RAD51B: variants seen among roughly 807,000 people sequenced by gnomAD.
RAD51B encodes DNA repair protein RAD51 homolog 2.
In RAD51B, 38 loss-of-function variants were observed where a neutral mutation model predicts 42.2. The ratio of observed to expected loss-of-function variants is 0.90; its 90% CI spans 0.70 to 1.18. The LOEUF (loss-of-function observed/expected upper bound fraction) is 1.18, where lower values mean the gene tolerates loss of function less well. Ranked by LOEUF, RAD51B falls within the 50% of genes most tolerant of loss-of-function variation. RAD51B has a pLI of 0.00. For synonymous variants in RAD51B, 154 were observed against 145.2 expected, an observed-to-expected ratio of 1.06 and a Z score of -0.43; for missense variants, 373 against 400.7, an observed-to-expected ratio of 0.93 and a Z score of 0.59.
intron 7 of RAD51B, among the ~76,000 whole-genome samples, chr14:68,118,755 C>T (rs542400282): frequency 1.4e-4 from 21 of 152,070 alleles, no homozygotes; most frequent in African/African-American, 5.1e-4. Context: ...TGATTTGATC[C>T]TCATTTATAA....
At chr14:68,259,678 A>G (rs1393828774) in intron 7 of RAD51B, among the ~76,000 whole-genome samples, 2 of 152,292 alleles carry the variant, frequency 1.3e-5, no homozygotes, top group African/African-American at 4.8e-5. Flanking sequence ...AAAGCAAGAT[A>G]GATAGCAGAT....
At chr14:68,258,316 G>T (rs1473773328) in intron 7 of RAD51B, among the ~76,000 whole-genome samples, 2 of 151,822 alleles carry the variant, frequency 1.3e-5, no homozygotes, top group Non-Finnish European at 2.9e-5. Context: ...CGGGAGGATC[G>T]CTTGAGCCTG....
intron 8 of RAD51B, among the ~76,000 whole-genome samples, chr14:68,300,468 C>A (rs571586242): frequency 3.9e-5 from 6 of 152,170 alleles, no homozygotes; most frequent in Non-Finnish European, 7.4e-5. Flanking sequence ...CCTCTACCTC[C>A]CAACATGCTG....
intron 7 of RAD51B, among the ~76,000 whole-genome samples, chr14:68,107,322 T>C (rs2077391454): frequency 6.6e-6 from 1 of 151,856 alleles, no homozygotes; most frequent in Non-Finnish European, 1.5e-5. Context: ...CTGAAAATTA[T>C]AAAACATTGT....
At chr14:68,066,369 T>A (rs534325727) in intron 7 of RAD51B, among the ~76,000 whole-genome samples, 1 of 152,244 alleles carries the variant, frequency 6.6e-6, no homozygotes, top group African/African-American at 2.4e-5. Context: ...TGTTTTAAAA[T>A]TTTTTTCCTC....
At chr14:68,511,494 C>A (rs1283648159) in intron 10 of RAD51B, among the ~76,000 whole-genome samples, 2 of 152,234 alleles carry the variant, frequency 1.3e-5, no homozygotes, top group African/African-American at 4.8e-5. Context: ...GGAACACTAA[C>A]CTGGCTTTAC....
intron 7 of RAD51B, among the ~76,000 whole-genome samples, chr14:68,141,344 T>G (rs954379511): frequency 6.6e-6 from 1 of 152,212 alleles, no homozygotes; most frequent in Non-Finnish European, 1.5e-5. Context: ...GTAAAAGCTC[T>G]ATAGGTCTTC....
intron 7 of RAD51B, among the ~76,000 whole-genome samples, chr14:68,150,162 C>A (rs1419317783): frequency 6.6e-6 from 1 of 152,200 alleles, no homozygotes; most frequent in Non-Finnish European, 1.5e-5. Context: ...TCAGGCTAGT[C>A]TCAAACTCCT....
intron 7 of RAD51B, among the ~76,000 whole-genome samples, chr14:68,126,403 C>CT (rs2140655939): frequency 6.6e-6 from 1 of 152,298 alleles, no homozygotes; most frequent in East Asian, 1.9e-4. Flanking sequence ...TTATGGATTA[C>CT]TTTATATTCA....
chr14:68,062,828 A>AG (rs1464201517), intron 7 of RAD51B, among the ~76,000 whole-genome samples: 1 of 149,442 alleles, frequency 6.7e-6, no homozygotes, highest in African/African-American at 2.5e-5. Context: ...AAAAAAAAAA[A>AG]AAAGAAAAAA....
intron 7 of RAD51B, among the ~76,000 whole-genome samples, chr14:68,162,499 C>T (rs368568149): frequency 3.3e-5 from 5 of 151,962 alleles, no homozygotes; most frequent in African/African-American, 7.2e-5. Flanking sequence ...TTTTAAAATC[C>T]GAGCTGCCGG....
At chr14:68,429,597 G>A (rs2084947543) in intron 9 of RAD51B, among the ~76,000 whole-genome samples, 1 of 151,558 alleles carries the variant, frequency 6.6e-6, no homozygotes, top group African/African-American at 2.4e-5. Flanking sequence ...CTTTTTGATG[G>A]GGTTTTTTTC....
At chr14:67,977,538 C>T (rs2075018092) in intron 7 of RAD51B, among the ~76,000 whole-genome samples, 1 of 152,182 alleles carries the variant, frequency 6.6e-6, no homozygotes, top group Non-Finnish European at 1.5e-5. Context: ...GTCTCTGATC[C>T]CTAGCCTGCT....
intron 7 of RAD51B, among the ~76,000 whole-genome samples, chr14:68,041,284 C>G (rs761243567): frequency 6.6e-6 from 1 of 152,154 alleles, no homozygotes; most frequent in Non-Finnish European, 1.5e-5. Context: ...GCCAACTAAA[C>G]CTCTTTCTTT....
chr14:68,440,596 A>C (rs972930530), intron 9 of RAD51B, among the ~76,000 whole-genome samples: 3 of 152,088 alleles, frequency 2.0e-5, no homozygotes, highest in Non-Finnish European at 4.4e-5. Flanking sequence ...AAATACAAAA[A>C]TTAGTTGGGC....
At chr14:68,594,817 AG>A (rs1890922059) in exon 11 of RAD51B, 3 of 1,224,688 alleles carry the variant, frequency 2.4e-6, no homozygotes, top group East Asian at 7.2e-5. Flanking sequence ...ATGGAGTGAC[AG>A]GTGACCTGCT....
At chr14:68,396,186 G>A (rs1470649277) in intron 8 of RAD51B, among the ~76,000 whole-genome samples, 5 of 152,134 alleles carry the variant, frequency 3.3e-5, no homozygotes, top group Non-Finnish European at 7.3e-5. Context: ...ATAAAATAGG[G>A]GCAACACTAG....
At chr14:68,383,297 G>A (rs1190846729) in intron 8 of RAD51B, among the ~76,000 whole-genome samples, 3 of 152,128 alleles carry the variant, frequency 2.0e-5, no homozygotes, top group African/African-American at 7.2e-5. Context: ...CTCAACCCAG[G>A]GTACTTTGCC....
At chr14:68,411,370 A>G in intron 8 of RAD51B, 54 bp from the exon 9 acceptor site, 1 of 1,447,342 alleles carries the variant, frequency 6.9e-7, no homozygotes, top group South Asian at 1.1e-5. Flanking sequence ...CTTCATGTGA[A>G]ATGCCATCTC....
Sources: gnomAD v4.1 joint callset for allele counts (sites outside exome capture counted in the v4.1 genomes callset) on GRCh38, gnomAD v4.1.1 for gene constraint, MANE v1.5 for transcripts, NCBI Gene and HGNC (gene_info 2026-07-23, HGNC 2026-07-21) for gene names.